AGPAT4: variants seen among roughly 807,000 people sequenced by gnomAD.
AGPAT4 encodes the protein 1-acyl-sn-glycerol-3-phosphate acyltransferase delta.
In AGPAT4, 15 loss-of-function variants were observed where a neutral mutation model predicts 48.0. The observed-to-expected ratio is 0.31, with a 90% CI of 0.21 to 0.48. The LOEUF is 0.48. Ranked by LOEUF, AGPAT4 falls within the 20% of genes least tolerant of loss-of-function variation. The pLI, the probability that AGPAT4 is intolerant of heterozygous loss-of-function variation, is 0.99. For synonymous variants in AGPAT4, 178 were observed against 198.7 expected, an observed-to-expected ratio of 0.90 and a Z score of 0.88; for missense variants, 314 against 482.5, an observed-to-expected ratio of 0.65 and a Z score of 3.27.
Position 161,136,113 on chromosome 6 carries a change from A to G in AGPAT4, c.*427T>C, listed in dbSNP as rs574701107. Reference sequence around the variant, plus strand: ...ACTTTAATTTTTTTTTCTTGGAGGCATAATTTAGTCATCTCACCTAAAGCA... The same window carrying G: ...ACTTTAATTTTTTTTTCTTGGAGGCGTAATTTAGTCATCTCACCTAAAGCA... On this transcript the variant is annotated 3_prime_UTR_variant, in exon 9 of 9. Coordinates refer to ENST00000320285, the MANE Select transcript of AGPAT4 (RefSeq NM_020133.3). 1.8e-5 allele frequency: 3 copies of G among 168,902 alleles called. No homozygotes were observed. The highest frequency in any genetic ancestry group is 1.8e-4 in the East Asian group (1 of 5,648). The allele number at this position is 168,902 out of a possible 1,614,324, so 10.5% of individuals were successfully genotyped here.
rs1316890018 is a variant in AGPAT4 at position 161,140,718 on chromosome 6, G to A, written c.844-1098C>T. On this transcript the variant is annotated intron_variant, in intron 7 of 8. Coordinates refer to ENST00000320285, the MANE Select transcript of AGPAT4 (RefSeq NM_020133.3). The surrounding 1 kb of genome is among the most constrained non-coding windows in gnomAD (Gnocchi z 6.5). Reference sequence around the variant, plus strand: ...AGGATGCCCGCTGGCCCGTCTAAGGGCAGGTCCTGGCCGTGAGGAGGGGCC... The same window carrying A: ...AGGATGCCCGCTGGCCCGTCTAAGGACAGGTCCTGGCCGTGAGGAGGGGCC... Among the ~76,000 whole-genome samples the A allele has an allele frequency of 6.6e-6, 1 of 152,238 alleles. No individual in the cohort carries two copies. Among genetic ancestry groups the A allele is most frequent in the Non-Finnish European group, 1.5e-5 (1 of 68,034 alleles).
At chr6:161,157,779 C>T (rs780615817) in intron 3 of AGPAT4, among the ~76,000 whole-genome samples, 1 of 152,164 alleles carries the variant, frequency 6.6e-6, no homozygotes, top group Non-Finnish European at 1.5e-5. Flanking sequence ...AAATGTCACT[C>T]AATTCTCTTT....
At chr6:161,241,091 C>T (rs904071797) in intron 1 of AGPAT4, among the ~76,000 whole-genome samples, 1 of 151,732 alleles carries the variant, frequency 6.6e-6, no homozygotes, top group African/African-American at 2.4e-5. Context: ...GTGAAACCCC[C>T]ATCTCTACTA....
Position 161,149,147 on chromosome 6 carries a change from T to C in AGPAT4, c.767+40A>G. On this transcript the variant is annotated intron_variant, in intron 6 of 8. Coordinates refer to ENST00000320285, the MANE Select transcript of AGPAT4 (RefSeq NM_020133.3). The surrounding 1 kb of genome is among the most constrained non-coding windows in gnomAD (Gnocchi z 6.5). The stretch of plus-strand genomic sequence containing the variant: ...CATTTGTGATGTGTTTACTTTGAAA[T>C]GGGCACTGTCTTTTCTGGAAAGGAA... 1 of 1,600,850 alleles carries C rather than the reference T, an allele frequency of 6.2e-7. No homozygotes were observed. Among genetic ancestry groups the C allele is most frequent in the Non-Finnish European group, 8.5e-7 (1 of 1,175,172 alleles).
At position 161,213,002 on chromosome 6, in the gene AGPAT4, C is replaced by T. The variant is rs577462064; in HGVS notation, c.178+19034G>A. The stretch of plus-strand genomic sequence containing the variant: ...TTGACTTATGAAGCCAATAAAAACC[C>T]CTTGGAAAAAACTGGCCTCATACCT... On this transcript the variant is annotated intron_variant, in intron 2 of 8. Transcript: ENST00000320285. Among the ~76,000 whole-genome samples the T allele has an allele frequency of 6.6e-5, 10 of 152,294 alleles. No homozygotes were observed. The South Asian group carries it at 1.9e-3, about 28-fold the overall frequency.
In AGPAT4 at chr6:161,221,757, G is replaced by A. The variant is rs116592832; in HGVS notation, c.178+10279C>T. Among the ~76,000 whole-genome samples, 1,977 of 152,250 alleles carry A rather than the reference G, an allele frequency of 0.013. 48 individuals carry two copies. The highest frequency in any genetic ancestry group is 0.043 in the African/African-American group (1,794 of 41,534). On this transcript the variant is annotated intron_variant, in intron 2 of 8. Transcript: ENST00000320285. This position sits in a 1 kb window ranked among gnomAD's most constrained non-coding sequence, Gnocchi z 4.5. ...ATCTGTGTCACAGCTCTCTCCCAGC[G>A]GCTGGGAGCCAGGTGTTCCTTGGCT...
Position 161,132,391 on chromosome 6 carries a change from A to C in AGPAT4, c.*4149T>G, listed in dbSNP as rs1336547859. On this transcript the variant is annotated 3_prime_UTR_variant, in exon 9 of 9. Coordinates refer to ENST00000320285, the MANE Select transcript of AGPAT4 (RefSeq NM_020133.3). ...CTGAATGGTCCCTTGGCAGAGGCAA[A>C]GAATGAGCCCAGAGCCTGAGATTCA... The C allele has an allele frequency of 6.6e-6, 1 of 152,282 alleles. No individual in the cohort carries two copies. Among genetic ancestry groups the C allele is most frequent in the East Asian group, 1.9e-4 (1 of 5,182 alleles). 9.4% of individuals were successfully genotyped at this position (152,282 alleles called of 1,614,324 possible).
intron 2 of AGPAT4, among the ~76,000 whole-genome samples, chr6:161,176,742 T>A (rs1183362697): frequency 6.6e-6 from 1 of 152,164 alleles, no homozygotes; most frequent in African/African-American, 2.4e-5. Flanking sequence ...GGATCGATGG[T>A]CTTTACAATT....
chr6:161,228,482 G>C (rs556057747), intron 2 of AGPAT4, among the ~76,000 whole-genome samples: 1 of 151,814 alleles, frequency 6.6e-6, no homozygotes, highest in Non-Finnish European at 1.5e-5. Flanking sequence ...CCAGGGCTGG[G>C]GGTGTGGGGT....
rs1416492557 is a variant in AGPAT4, at chr6:161,215,414, C to T, written c.178+16622G>A. Among the ~76,000 whole-genome samples the T allele has an allele frequency of 1.3e-5, 2 of 152,164 alleles. No individual in the cohort carries two copies. Among genetic ancestry groups the T allele is most frequent in the African/African-American group, 4.8e-5 (2 of 41,438 alleles). On this transcript the variant is annotated intron_variant, in intron 2 of 8. Coordinates refer to ENST00000320285, the MANE Select transcript of AGPAT4 (RefSeq NM_020133.3). This position sits in a 1 kb window ranked among gnomAD's most constrained non-coding sequence, Gnocchi z 4.5. ...TTCCCATACTCTTGGATTTACAAAA[C>T]ATACGCATATACCCAGCAAACACAG...
At position 161,200,638 on chromosome 6, in the gene AGPAT4, A is replaced by C. The variant is rs928015930; in HGVS notation, c.178+31398T>G. On this transcript the variant is annotated intron_variant, in intron 2 of 8. Transcript: ENST00000320285. The surrounding 1 kb of genome is among the most constrained non-coding windows in gnomAD (Gnocchi z 5.5). ...TTGGCACCTCTTCTTTTCTTCAATAATCATATTTACTATGTTGACTAGGGA... is the reference window on the plus strand; with the variant it reads ...TTGGCACCTCTTCTTTTCTTCAATACTCATATTTACTATGTTGACTAGGGA... Among the ~76,000 whole-genome samples, 4 of 152,156 alleles carry C rather than the reference A, an allele frequency of 2.6e-5. No individual in the cohort carries two copies. The highest frequency in any genetic ancestry group is 9.7e-5 in the African/African-American group (4 of 41,414).
At position 161,245,013 on chromosome 6, in the gene AGPAT4, A is replaced by C. The variant is rs987886069; in HGVS notation, c.-89-12711T>G. Among the ~76,000 whole-genome samples the C allele has an allele frequency of 6.6e-6, 1 of 152,260 alleles. No individual in the cohort carries two copies. Among genetic ancestry groups the C allele is most frequent in the Non-Finnish European group, 1.5e-5 (1 of 68,042 alleles). ...GCATGAGAACTCTCCTGCAAATGCT[A>C]ACTTAATTTCGCACACATGCCTACT... On this transcript the variant is annotated intron_variant, in intron 1 of 8. Transcript: ENST00000320285. The surrounding 1 kb of genome is among the most constrained non-coding windows in gnomAD (Gnocchi z 5.2).
rs922145419 is a variant in AGPAT4 at position 161,198,483 on chromosome 6, C to T, written c.179-32066G>A. The stretch of plus-strand genomic sequence containing the variant: ...AATGATCCAGTCCCAAGTGTCAACA[C>T]AGCTGAGGTTGAGAAACCTGTCTTA... On this transcript the variant is annotated intron_variant, in intron 2 of 8. Transcript: ENST00000320285. This position sits in a 1 kb window ranked among gnomAD's most constrained non-coding sequence, Gnocchi z 4.3. Among the ~76,000 whole-genome samples the T allele has an allele frequency of 6.6e-6, 1 of 152,254 alleles. No homozygotes were observed. The highest frequency in any genetic ancestry group is 1.5e-5 in the Non-Finnish European group (1 of 68,048).
chr6:161,190,139 A>C (rs1468631442), intron 2 of AGPAT4, among the ~76,000 whole-genome samples: 1 of 152,224 alleles, frequency 6.6e-6, no homozygotes, highest in Non-Finnish European at 1.5e-5. Flanking sequence ...GAAGGGAGGG[A>C]TGAATAAGGA....
At position 161,134,683 on chromosome 6, in the gene AGPAT4, A is replaced by G. The variant is rs1030778515; in HGVS notation, c.*1857T>C. The G allele has an allele frequency of 6.6e-5, 10 of 152,104 alleles. No individual in the cohort carries two copies. Among genetic ancestry groups the G allele is most frequent in the African/African-American group, 2.4e-4 (10 of 41,414 alleles). The allele number at this position is 152,104 out of a possible 1,614,324, so 9.4% of individuals were successfully genotyped here. ...TCAGCATCACGGACCCCTCCGAGAG[A>G]CTGGCCCGATAATCCAGGCGCAGGT... On this transcript the variant is annotated 3_prime_UTR_variant, in exon 9 of 9. Coordinates refer to ENST00000320285, the MANE Select transcript of AGPAT4 (RefSeq NM_020133.3).
rs183887479 is a variant in AGPAT4, at chr6:161,130,590, G to A, written c.*5950C>T. 65 of 216,048 alleles carry A rather than the reference G, an allele frequency of 3.0e-4. No homozygotes were observed. The highest frequency in any genetic ancestry group is 8.2e-4 in the Admixed American group (17 of 20,846). The allele number at this position is 216,048 out of a possible 1,614,324, so 13.4% of individuals were successfully genotyped here. A position where few individuals can be genotyped will look rare whatever the true frequency, so the allele number is the denominator to read the frequency against. On this transcript the variant is annotated 3_prime_UTR_variant, in exon 9 of 9. Transcript: ENST00000320285. Reference sequence around the variant, plus strand: ...AGCAACTCATTCCCTGACCTGAACCGGGTGTGTTCCACCCTTGCCCATGGT... The same window carrying A: ...AGCAACTCATTCCCTGACCTGAACCAGGTGTGTTCCACCCTTGCCCATGGT...
chr6:161,230,071 T>C (rs565514336), intron 2 of AGPAT4, among the ~76,000 whole-genome samples: 4 of 152,312 alleles, frequency 2.6e-5, no homozygotes, highest in Admixed American at 1.3e-4. Flanking sequence ...TGGATAAAAA[T>C]CTGCCTTGCT....
chr6:161,243,799 T>A lies in AGPAT4; in HGVS notation c.-89-11497A>T, dbSNP rs1782569188. Among the ~76,000 whole-genome samples, 1 of 152,218 alleles carries A rather than the reference T, an allele frequency of 6.6e-6. No individual in the cohort carries two copies. Among genetic ancestry groups the A allele is most frequent in the Admixed American group, 6.5e-5 (1 of 15,280 alleles). ...CTGTGGCTCTCATTATCTGTTTGTT[T>A]ATTTCAATAAGATTTTCCTCAGGTG... On this transcript the variant is annotated intron_variant, in intron 1 of 8. Coordinates refer to ENST00000320285, the MANE Select transcript of AGPAT4 (RefSeq NM_020133.3). This position sits in a 1 kb window ranked among gnomAD's most constrained non-coding sequence, Gnocchi z 4.8.
Position 161,166,386 on chromosome 6 carries a change from G to A in AGPAT4, c.210C>T (p.Gly70=). ...QLVMLLEWWS[G]TECTIFTDPR... ...GGTCCGTGAAGATGGTGCATTCCGT[G>A]CCCGACCACCACTCCAGCAGCATCA... The change falls in exon 3 of 9, where the codon GGC becomes GGT. Residue 70 remains glycine (G), a synonymous_variant. Coordinates refer to ENST00000320285, the MANE Select transcript of AGPAT4 (RefSeq NM_020133.3). The surrounding 1 kb of genome is among the most constrained non-coding windows in gnomAD (Gnocchi z 6.7). The A allele has an allele frequency of 1.2e-6, 2 of 1,612,164 alleles. No individual in the cohort carries two copies. The highest frequency in any genetic ancestry group is 1.7e-6 in the Non-Finnish European group (2 of 1,179,000).
Sources: gnomAD v4.1 joint callset for allele counts (sites outside exome capture counted in the v4.1 genomes callset) on GRCh38, gnomAD v4.1.1 for gene constraint, Gnocchi (gnomAD v3.1) non-coding constraint, MANE v1.5 for transcripts, NCBI Gene and HGNC (gene_info 2026-07-23, HGNC 2026-07-21) for gene names.